Variants in UNC13B observed in about 807,000 individuals in gnomAD.
UNC13B encodes unc-13 homolog B, also known as protein unc-13 homolog B.
In UNC13B, 144 loss-of-function variants were observed where a neutral mutation model predicts 211.0. The ratio of observed to expected loss-of-function variants is 0.68; its 90% CI spans 0.60 to 0.78. UNC13B has a LOEUF of 0.78. Ranked by LOEUF, UNC13B falls within the 30% of genes least tolerant of loss-of-function variation. The pLI, the probability that UNC13B is intolerant of heterozygous loss-of-function variation, is 0.00. For synonymous variants in UNC13B, 709 were observed against 725.8 expected, an observed-to-expected ratio of 0.98 and a Z score of 0.37; for missense variants, 1,777 against 2,002.0, an observed-to-expected ratio of 0.89 and a Z score of 2.14.
intron 1 of UNC13B, among the ~76,000 whole-genome samples, chr9:35,211,867 G>A (rs1384486866): frequency 6.6e-6 from 1 of 152,132 alleles, no homozygotes; most frequent in Non-Finnish European, 1.5e-5. Flanking sequence ...AGGCTGAGGC[G>A]GGAGGATGGC....
chr9:35,280,653 A>G (rs1828431805), intron 7 of UNC13B, among the ~76,000 whole-genome samples: 1 of 152,204 alleles, frequency 6.6e-6, no homozygotes, highest in Non-Finnish European at 1.5e-5. Context: ...GATGCTAATT[A>G]TAGGTGCTGG....
chr9:35,376,324 G>A (rs1026282107), intron 15 of UNC13B, 77 bp downstream of exon 15: 4 of 1,447,688 alleles, frequency 2.8e-6, no homozygotes, highest in Non-Finnish European at 1.9e-6. Context: ...AAAGAGCTGG[G>A]ATGGCTGAAC....
chr9:35,375,747 A>T (rs1245590320), intron 14 of UNC13B, among the ~76,000 whole-genome samples: 1 of 152,178 alleles, frequency 6.6e-6, no homozygotes, highest in East Asian at 1.9e-4. Context: ...TTGGGAGGCC[A>T]AGGCAGGTGG....
At chr9:35,286,939 C>T (rs1003881359) in intron 7 of UNC13B, among the ~76,000 whole-genome samples, 4 of 151,964 alleles carry the variant, frequency 2.6e-5, no homozygotes, top group African/African-American at 4.8e-5. Context: ...CTACCGTAGA[C>T]GGGTAAACAT....
chr9:35,292,272 C>T (rs1263170317), intron 7 of UNC13B, among the ~76,000 whole-genome samples: 1 of 152,172 alleles, frequency 6.6e-6, no homozygotes, highest in Non-Finnish European at 1.5e-5. Flanking sequence ...CTGCTGTGTG[C>T]TTGGAGGCCC....
chr9:35,371,537 A>C (rs1834124954), intron 13 of UNC13B, among the ~76,000 whole-genome samples: 1 of 147,160 alleles, frequency 6.8e-6, no homozygotes, highest in East Asian at 1.9e-4. Flanking sequence ...GTTGAAGATA[A>C]ATTCTGATGC....
intron 7 of UNC13B, among the ~76,000 whole-genome samples, chr9:35,289,374 TG>T (rs1828968742): frequency 6.6e-6 from 1 of 152,164 alleles, no homozygotes; most frequent in African/African-American, 2.4e-5. Flanking sequence ...TAGCAGACCT[TG>T]GGACTGTCAG....
At chr9:35,182,715 A>C (rs1319615534) in intron 1 of UNC13B, among the ~76,000 whole-genome samples, 1 of 152,158 alleles carries the variant, frequency 6.6e-6, no homozygotes, top group East Asian at 1.9e-4. Context: ...TTAACAAAGC[A>C]CATCTTGCAC....
chr9:35,384,798 G>A (rs1277536300), intron 22 of UNC13B: 4 of 919,710 alleles, frequency 4.3e-6, no homozygotes, highest in Non-Finnish European at 5.2e-6. Context: ...GAGGAAATAG[G>A]TATAGTAGGA....
At position 35,377,555 on chromosome 9, in the gene UNC13B, A is replaced by G. The variant is rs368840993; in HGVS notation, c.9923A>G (p.Glu3308Gly). The G allele has an allele frequency of 1.2e-6, 2 of 1,614,158 alleles. No homozygotes were observed. The highest frequency in any genetic ancestry group is 1.7e-6 in the Non-Finnish European group (2 of 1,180,056). The change falls in exon 16 of 40, where the codon GAG (glutamate) becomes GGG (glycine). Residue 3308 changes from glutamate (E) to glycine (G), a missense_variant. Glu to Gly is a moderately conservative substitution (Grantham distance 98). Coordinates refer to ENST00000635942, the MANE Select transcript of UNC13B (RefSeq NM_001371189.2). ...ATGAAGGACCGCATGAAGATCCGAG[A>G]GCGAAATAAGCCAGAGATCTTTGAA... ...MAMKDRMKIR[E>G]RNKPEIFEVI...
rs1224547797 is a variant in UNC13B at position 35,301,700 on chromosome 9, C to G, written c.2296C>G (p.Gln766Glu). The G allele has an allele frequency of 2.5e-6, 1 of 398,558 alleles. No individual in the cohort carries two copies. Among genetic ancestry groups the G allele is most frequent in the Non-Finnish European group, 4.4e-6 (1 of 225,898 alleles). 24.7% of individuals were successfully genotyped at this position (398,558 alleles called of 1,614,324 possible). A position where few individuals can be genotyped will look rare whatever the true frequency, so the allele number is the denominator to read the frequency against. ...TATAGATCTGTCTCTTTTACCAGAT[C>G]AACAAAAAATATGTGCCAAAGATAC... is the stretch of plus-strand genomic sequence containing the variant. ...LCIDLSLLPD[Q>E]QKICAKDTPG... The change falls in exon 9 of 40, where the codon CAA becomes GAA. Residue 766 changes from glutamine to glutamate, a missense_variant. Coordinates refer to ENST00000635942, the MANE Select transcript of UNC13B (RefSeq NM_001371189.2).
chr9:35,296,043 T>C lies in UNC13B; in HGVS notation c.761+113T>C, dbSNP rs1829343018. On this transcript the variant is annotated intron_variant, in intron 8 of 39. Coordinates refer to ENST00000635942, the MANE Select transcript of UNC13B (RefSeq NM_001371189.2). ...AAGAGGTAGCGTAAGTGTAGCAGTA[T>C]CACCGGCCAAACTACAGTCATTTTG... 6.4e-6 allele frequency: 6 copies of C among 935,542 alleles called. No individual in the cohort carries two copies. In the Admixed American group the frequency reaches 1.6e-4, roughly 24 times the overall value. The allele number at this position is 935,542 out of a possible 1,614,324, so 58.0% of individuals were successfully genotyped here. A position where few individuals can be genotyped will look rare whatever the true frequency, so the allele number is the denominator to read the frequency against.
chr9:35,194,066 G>A (rs1822807176), intron 1 of UNC13B, among the ~76,000 whole-genome samples: 1 of 151,766 alleles, frequency 6.6e-6, no homozygotes, highest in African/African-American at 2.4e-5. Context: ...TGGAAGTTCC[G>A]TTTGCTCTCC....
chr9:35,389,955 A>G lies in UNC13B; in HGVS notation c.11204A>G (p.Tyr3735Cys). The part of the protein sequence containing the change: ...VSIIEEDKNS[Y>C]TPVLNQFPQE... ...ATCATAGAGGAAGATAAGAATTCCTACACACCTGTTCTGAACCAGTGAGTA... is the reference window on the plus strand; with the variant it reads ...ATCATAGAGGAAGATAAGAATTCCTGCACACCTGTTCTGAACCAGTGAGTA... Residue 3735 changes from tyrosine (Y) to cysteine (C), a missense_variant, in exon 25 of 40, where the codon TAC becomes TGC. Coordinates refer to ENST00000635942, the MANE Select transcript of UNC13B (RefSeq NM_001371189.2). 6.2e-7 allele frequency: 1 copy of G among 1,614,054 alleles called. No individual in the cohort carries two copies. The highest frequency in any genetic ancestry group is 8.5e-7 in the Non-Finnish European group (1 of 1,179,976).
chr9:35,329,736 C>G (rs971380224), intron 11 of UNC13B, among the ~76,000 whole-genome samples: 1 of 151,962 alleles, frequency 6.6e-6, no homozygotes, highest in African/African-American at 2.4e-5. Context: ...CAATCTGCCC[C>G]CCTTGGCCTC....
chr9:35,342,110 G>A (rs1469715635), intron 11 of UNC13B: 19 of 985,270 alleles, frequency 1.9e-5, no homozygotes, highest in Non-Finnish European at 2.3e-5. Context: ...TTGTGCCGTG[G>A]AGCCAGCCAG....
At chr9:35,287,351 C>G in intron 7 of UNC13B, among the ~76,000 whole-genome samples, 1 of 151,922 alleles carries the variant, frequency 6.6e-6, no homozygotes, top group Non-Finnish European at 1.5e-5. Context: ...AGGCTAGTCT[C>G]GAACTCCTGA....
intron 8 of UNC13B, 144 bp downstream of exon 8, chr9:35,296,074 A>T: frequency 1.4e-6 from 1 of 717,706 alleles, no homozygotes; most frequent in Non-Finnish European, 2.3e-6. Context: ...TTTTGTGTAG[A>T]TTATTAGTCT....
intron 1 of UNC13B, among the ~76,000 whole-genome samples, chr9:35,171,388 C>T (rs1821323797): frequency 6.6e-6 from 1 of 152,150 alleles, no homozygotes; most frequent in South Asian, 2.1e-4. Context: ...AGGTGTGAGC[C>T]ACCATGCCTG....
Sources: allele counts gnomAD v4.1 joint callset (sites outside exome capture counted in the v4.1 genomes callset), GRCh38; gene constraint gnomAD v4.1.1; transcripts MANE v1.5; gene names NCBI Gene and HGNC (gene_info 2026-07-23, HGNC 2026-07-21).